Variants in SLCO5A1 observed in about 807,000 individuals in gnomAD.
SLCO5A1 encodes the protein solute carrier organic anion transporter family member 5A1, also known as organic anion transporter polypeptide-related protein 4.
Under a neutral mutation model 65.1 loss-of-function variants are expected in SLCO5A1, and 39 were observed. The observed-to-expected ratio is 0.60, with a 90% CI of 0.46 to 0.78. SLCO5A1 has a LOEUF of 0.78. Ranked by LOEUF, SLCO5A1 falls within the 30% of genes least tolerant of loss-of-function variation. The pLI is 0.00. For missense variants in SLCO5A1, 1,029 were observed against 1,069.4 expected (o/e 0.96, Z 0.53); for synonymous variants, 438 against 415.7 (o/e 1.05, Z -0.65).
chr8:69,730,003 A>G (rs1260805246), intron 5 of SLCO5A1, among the ~76,000 whole-genome samples: 1 of 152,248 alleles, frequency 6.6e-6, no homozygotes, highest in Non-Finnish European at 1.5e-5. Context: ...ATAAAAGAAA[A>G]AGAGGAGAAA....
At chr8:69,743,334 T>A (rs538242390) in intron 4 of SLCO5A1, among the ~76,000 whole-genome samples, 2 of 152,332 alleles carry the variant, frequency 1.3e-5, no homozygotes, top group African/African-American at 4.8e-5. Context: ...CTGTATTTGA[T>A]GAAGGTCTTT....
At chr8:69,803,679 T>C (rs551678816) in intron 2 of SLCO5A1, among the ~76,000 whole-genome samples, 4 of 152,268 alleles carry the variant, frequency 2.6e-5, no homozygotes, top group African/African-American at 9.6e-5. Flanking sequence ...AAGCCCTTTA[T>C]GTGATTCTGA....
chr8:69,762,120 TTC>T (rs982085825), intron 2 of SLCO5A1, among the ~76,000 whole-genome samples: 1 of 5,086 alleles, frequency 2.0e-4, no homozygotes, highest in Non-Finnish European at 3.4e-4. Context: ...TTGTTTTGTT[TTC>T]TTTCTTTCTT....
chr8:69,682,826 G>T (rs535652847), intron 6 of SLCO5A1, among the ~76,000 whole-genome samples: 1 of 152,008 alleles, frequency 6.6e-6, no homozygotes, highest in African/African-American at 2.4e-5. Flanking sequence ...ACGTTCCTTC[G>T]ACCAAAAACT....
chr8:69,748,758 C>T (rs1182021892), intron 4 of SLCO5A1, among the ~76,000 whole-genome samples: 2 of 152,194 alleles, frequency 1.3e-5, no homozygotes, highest in East Asian at 1.9e-4. Flanking sequence ...CCTGGACCAA[C>T]AGCTTCAGTA....
At chr8:69,819,664 G>GA (rs1188008231) in intron 2 of SLCO5A1, among the ~76,000 whole-genome samples, 6 of 152,106 alleles carry the variant, frequency 3.9e-5, no homozygotes, top group African/African-American at 9.7e-5. Context: ...ATACTGGTCA[G>GA]AAAAAAACAG....
chr8:69,792,487 T>A (rs987428713), intron 2 of SLCO5A1, among the ~76,000 whole-genome samples: 1 of 152,194 alleles, frequency 6.6e-6, no homozygotes, highest in African/African-American at 2.4e-5. Context: ...CAATGGGGAA[T>A]ATAAGGAGCC....
At chr8:69,815,691 A>C (rs910927516) in intron 2 of SLCO5A1, among the ~76,000 whole-genome samples, 10 of 105,262 alleles carry the variant, frequency 9.5e-5, no homozygotes, top group South Asian at 7.2e-4. Context: ...CACACACACA[A>C]AATTACATCA....
At chr8:69,762,172 TTCTTTCTTTCTTTC>T (rs1817817312) in intron 2 of SLCO5A1, among the ~76,000 whole-genome samples, 3 of 128,000 alleles carry the variant, frequency 2.3e-5, no homozygotes. Context: ...CTTTCTTTCT[TTCTTTCTTTCTTTC>T]TTTCTTTCTT....
rs2959578 is a variant in SLCO5A1, at chr8:69,705,333, G to A, written c.1424-104C>T. 0.65 allele frequency: 634,926 copies of A among 974,062 alleles called. 210,558 individuals carry two copies. Among genetic ancestry groups the A allele is most frequent in the African/African-American group, 0.91 (55,002 of 60,590 alleles). 60.3% of individuals were successfully genotyped at this position (974,062 alleles called of 1,614,324 possible). ...GTAGTACTGAGGTAAAAAATCAAAA[G>A]TTACTATAATCAATACATCTTCATT... On this transcript the variant is annotated intron_variant, in intron 5 of 9. Transcript: ENST00000260126.
At chr8:69,679,715 A>G in intron 7 of SLCO5A1, 96 bp from the exon 8 acceptor site, 1 of 1,500,138 alleles carries the variant, frequency 6.7e-7, no homozygotes, top group Non-Finnish European at 9.0e-7. Flanking sequence ...ACTCTAAAAT[A>G]GCTCAAATAT....
At chr8:69,673,861 G>A (rs1219953822) in intron 9 of SLCO5A1, among the ~76,000 whole-genome samples, 1 of 152,164 alleles carries the variant, frequency 6.6e-6, no homozygotes, top group African/African-American at 2.4e-5. Context: ...TGGCAACTTT[G>A]TAAAAGCACT....
intron 5 of SLCO5A1, among the ~76,000 whole-genome samples, chr8:69,728,990 A>C (rs1331691590): frequency 6.6e-6 from 1 of 152,176 alleles, no homozygotes; most frequent in African/African-American, 2.4e-5. Flanking sequence ...TTGCAGATAT[A>C]CGACTGATCC....
intron 2 of SLCO5A1, among the ~76,000 whole-genome samples, chr8:69,830,854 A>G (rs1289602481): frequency 6.6e-6 from 1 of 152,210 alleles, no homozygotes; most frequent in Admixed American, 6.5e-5. Flanking sequence ...TCCCAAGTTC[A>G]TACAATTGAG....
chr8:69,813,228 C>A (rs989621791), intron 2 of SLCO5A1, among the ~76,000 whole-genome samples: 2 of 152,028 alleles, frequency 1.3e-5, no homozygotes, highest in Non-Finnish European at 1.5e-5. Flanking sequence ...ACTTCTATGA[C>A]CTTTGTAAGA....
chr8:69,744,347 TC>T (rs2130849160), intron 4 of SLCO5A1, among the ~76,000 whole-genome samples: 1 of 152,294 alleles, frequency 6.6e-6, no homozygotes, highest in South Asian at 2.1e-4. Flanking sequence ...GCCCCAAGCT[TC>T]ATCCATGGCA....
At chr8:69,748,219 A>G (rs958542289) in intron 4 of SLCO5A1, among the ~76,000 whole-genome samples, 1 of 152,176 alleles carries the variant, frequency 6.6e-6, no homozygotes, top group Non-Finnish European at 1.5e-5. Context: ...GGGGGTACAC[A>G]TGGCTGCCAG....
At chr8:69,704,709 C>T (rs1814893295) in intron 6 of SLCO5A1, among the ~76,000 whole-genome samples, 1 of 152,208 alleles carries the variant, frequency 6.6e-6, no homozygotes, top group Non-Finnish European at 1.5e-5. Context: ...TTTTGAGCTA[C>T]AGAAACACAT....
rs1321932735 is a variant in SLCO5A1 at position 69,667,638 on chromosome 8, T to C, written c.*5231A>G. ...TTTCAATAATATTTTCTCCTTCAAT[T>C]TTAACATGTAGTGATAGGATACCAG... On this transcript the variant is annotated 3_prime_UTR_variant, in exon 10 of 10. Transcript: ENST00000260126. 6.6e-6 allele frequency: 1 copy of C among 152,192 alleles called. No individual in the cohort carries two copies. Among genetic ancestry groups the C allele is most frequent in the Admixed American group, 6.5e-5 (1 of 15,278 alleles). 9.4% of individuals were successfully genotyped at this position (152,192 alleles called of 1,614,324 possible).
Sources: allele counts gnomAD v4.1 joint callset (sites outside exome capture counted in the v4.1 genomes callset), GRCh38; gene constraint gnomAD v4.1.1; transcripts MANE v1.5; gene names NCBI Gene and HGNC (gene_info 2026-07-23, HGNC 2026-07-21).